Variants in OPCML observed in about 807,000 individuals in gnomAD.
OPCML encodes opioid binding protein/cell adhesion molecule like, also known as opioid-binding protein/cell adhesion molecule.
Under a neutral mutation model 37.8 loss-of-function variants are expected in OPCML, and 13 were observed. The ratio of observed to expected loss-of-function variants is 0.34; its 90% CI spans 0.22 to 0.55. OPCML has a LOEUF of 0.55. OPCML is among the 20% of genes least tolerant of loss of function. The pLI is 0.91. For synonymous variants in OPCML, 176 were observed against 168.8 expected, an observed-to-expected ratio of 1.04 and a Z score of -0.33; for missense variants, 341 against 435.6, an observed-to-expected ratio of 0.78 and a Z score of 1.93.
chr11:132,448,697 G>C (rs1297419181), intron 4 of OPCML, among the ~76,000 whole-genome samples: 1 of 152,122 alleles, frequency 6.6e-6, no homozygotes, highest in Non-Finnish European at 1.5e-5. Context: ...TCCCTTCTTA[G>C]CCTAGTCACC....
chr11:133,006,593 G>A (rs61910325), intron 1 of OPCML: 13 of 985,290 alleles, frequency 1.3e-5, no homozygotes, highest in South Asian at 9.4e-5. Context: ...GTTGAAAGTC[G>A]CTGGCCGAAC....
intron 1 of OPCML, among the ~76,000 whole-genome samples, chr11:133,528,403 C>G (rs972448770): frequency 6.6e-6 from 1 of 152,234 alleles, no homozygotes; most frequent in Non-Finnish European, 1.5e-5. Context: ...TTGTTCCTAT[C>G]TCTTTCTTAG....
chr11:133,265,531 T>C (rs1170778345), intron 1 of OPCML, among the ~76,000 whole-genome samples: 1 of 152,186 alleles, frequency 6.6e-6, no homozygotes, highest in Non-Finnish European at 1.5e-5. Context: ...GAAAGAAACT[T>C]ACCATTAATT....
At chr11:132,478,960 A>AT (rs1000133036) in intron 4 of OPCML, among the ~76,000 whole-genome samples, 88 of 151,542 alleles carry the variant, frequency 5.8e-4, no homozygotes, top group Non-Finnish European at 8.0e-4. Flanking sequence ...ATGTTCAGGC[A>AT]TTTTTTTTTC....
At chr11:133,523,590 A>C (rs1948434879) in intron 1 of OPCML, among the ~76,000 whole-genome samples, 3 of 152,238 alleles carry the variant, frequency 2.0e-5, no homozygotes, top group African/African-American at 7.2e-5. Flanking sequence ...TAAAAAATGT[A>C]AATCATGAAT....
chr11:133,476,968 G>T (rs1947253287), intron 1 of OPCML, among the ~76,000 whole-genome samples: 1 of 152,188 alleles, frequency 6.6e-6, no homozygotes, highest in South Asian at 2.1e-4. Flanking sequence ...GTGAAGGGGA[G>T]AGGCGGATAA....
intron 3 of OPCML, among the ~76,000 whole-genome samples, chr11:132,632,948 A>G (rs913228202): frequency 5.8e-5 from 5 of 86,096 alleles, no homozygotes; most frequent in African/African-American, 1.3e-4. Flanking sequence ...CACCATATTG[A>G]AAAAAAAAAA....
At chr11:133,016,705 C>T (rs770901709) in intron 1 of OPCML, among the ~76,000 whole-genome samples, 1 of 152,056 alleles carries the variant, frequency 6.6e-6, no homozygotes, top group Non-Finnish European at 1.5e-5. Context: ...CAGTGTGTAC[C>T]ACAGTTAATA....
chr11:133,095,284 T>G (rs1185706762), intron 1 of OPCML, among the ~76,000 whole-genome samples: 10 of 143,300 alleles, frequency 7.0e-5, no homozygotes, highest in African/African-American at 1.8e-4. Flanking sequence ...AATGTTTTTT[T>G]TTTTTTTTTT....
At chr11:132,928,420 A>G (rs1483342291) in intron 2 of OPCML, among the ~76,000 whole-genome samples, 1 of 152,060 alleles carries the variant, frequency 6.6e-6, no homozygotes, top group African/African-American at 2.4e-5. Flanking sequence ...ATTTACCAAC[A>G]AGATACAAAA....
chr11:133,386,476 G>T (rs1421514942), intron 1 of OPCML, among the ~76,000 whole-genome samples: 1 of 152,098 alleles, frequency 6.6e-6, no homozygotes, highest in African/African-American at 2.4e-5. Context: ...CCCAACAACG[G>T]CACTTCCTTT....
At chr11:132,884,704 T>TTTG (rs1943344295) in intron 2 of OPCML, among the ~76,000 whole-genome samples, 1 of 152,232 alleles carries the variant, frequency 6.6e-6, no homozygotes, top group East Asian at 1.9e-4. Flanking sequence ...CAAGCTTTCA[T>TTTG]TAGTGGCTAC....
intron 3 of OPCML, among the ~76,000 whole-genome samples, chr11:132,570,812 G>A (rs1243829436): frequency 8.4e-6 from 1 of 119,250 alleles, no homozygotes; most frequent in Non-Finnish European, 1.8e-5. Context: ...TTTAGAGAGA[G>A]AGAGAGAGGA....
chr11:132,900,918 T>A (rs1218737390), intron 2 of OPCML, among the ~76,000 whole-genome samples: 1 of 152,150 alleles, frequency 6.6e-6, no homozygotes, highest in Non-Finnish European at 1.5e-5. Flanking sequence ...CGGGGCCGGG[T>A]GCAGTGACTC....
At chr11:133,083,170 C>T (rs1948765561) in intron 1 of OPCML, among the ~76,000 whole-genome samples, 1 of 152,066 alleles carries the variant, frequency 6.6e-6, no homozygotes, top group Non-Finnish European at 1.5e-5. Flanking sequence ...ACACACCCCG[C>T]CGAGCGGGCC....
chr11:132,469,625 GGT>G (rs1212599742), intron 4 of OPCML, among the ~76,000 whole-genome samples: 9 of 139,644 alleles, frequency 6.4e-5, no homozygotes, highest in Non-Finnish European at 1.4e-4. Context: ...ATGTGTGTGG[GGT>G]GTGTGTGTAT....
At chr11:132,959,925 G>A (rs912028817) in intron 1 of OPCML, among the ~76,000 whole-genome samples, 2 of 152,228 alleles carry the variant, frequency 1.3e-5, no homozygotes, top group Admixed American at 1.3e-4. Flanking sequence ...ATGGAACACC[G>A]TCCAAAACAC....
At chr11:132,610,189 CA>C (rs1938554804) in intron 3 of OPCML, among the ~76,000 whole-genome samples, 3 of 152,172 alleles carry the variant, frequency 2.0e-5, no homozygotes, top group African/African-American at 7.2e-5. Flanking sequence ...AGCTTAGGAA[CA>C]CCTATGCCTG....
intron 1 of OPCML, among the ~76,000 whole-genome samples, chr11:133,454,399 T>A (rs1009510677): frequency 4.6e-5 from 7 of 152,188 alleles, no homozygotes; most frequent in Admixed American, 2.6e-4. Context: ...AAGCCATAGA[T>A]TAGCAACAAA....
Sources: gnomAD v4.1 joint callset for allele counts (sites outside exome capture counted in the v4.1 genomes callset) on GRCh38, gnomAD v4.1.1 for gene constraint, MANE v1.5 for transcripts, NCBI Gene and HGNC (gene_info 2026-07-23, HGNC 2026-07-21) for gene names.